Variants in UBXN7 observed in about 807,000 individuals in gnomAD.
UBXN7 encodes UBX domain protein 7, also known as UBX domain-containing protein 7.
UBXN7 carries 9 observed loss-of-function variants against 58.0 expected under a neutral mutation model. That is an observed-to-expected ratio of 0.16 (90% CI 0.09 to 0.27). The LOEUF is 0.27. UBXN7 is among the 10% of genes least tolerant of loss of function. The pLI is 1.00. For synonymous variants in UBXN7, 208 were observed against 205.0 expected, an observed-to-expected ratio of 1.01 and a Z score of -0.12; for missense variants, 328 against 599.6, an observed-to-expected ratio of 0.55 and a Z score of 4.73.
chr3:196,378,087 TTG>T (rs757561940), intron 5 of UBXN7, among the ~76,000 whole-genome samples: 1 of 152,192 alleles, frequency 6.6e-6, no homozygotes, highest in African/African-American at 2.4e-5. Flanking sequence ...ATATATGTGT[TTG>T]TGTGTGTTTG....
At position 196,391,680 on chromosome 3, in the gene UBXN7, G is replaced by A. The variant is rs1038630552; in HGVS notation, c.468+133C>T. ...GCCCAAGAGTTCAAGGCTGCAGTGA[G>A]CTATGATTGTGTCACTGCAGTCCAG... On this transcript the variant is annotated intron_variant, in intron 5 of 10. Transcript: ENST00000296328. 1.7e-5 allele frequency: 10 copies of A among 600,862 alleles called. No homozygotes were observed. In the African/African-American group the frequency reaches 1.9e-4, roughly 11 times the overall value. 37.2% of individuals were successfully genotyped at this position (600,862 alleles called of 1,614,324 possible). A position where few individuals can be genotyped will look rare whatever the true frequency, so the allele number is the denominator to read the frequency against.
At chr3:196,393,928 G>A (rs552434650) in intron 3 of UBXN7, 31 of 182,668 alleles carry the variant, frequency 1.7e-4, no homozygotes, top group African/African-American at 7.1e-4. Flanking sequence ...CTTCCATCCA[G>A]TCATCTTGTA....
chr3:196,401,286 TATATATATATATAC>T lies in UBXN7; in HGVS notation c.289+1652_289+1665del, dbSNP rs1198061144. ...AAAAAAAAAAAAAAATATATATATATATATATATATATACACACACACACACACACACACATATA... is the reference window on the plus strand; with the variant it reads ...AAAAAAAAAAAAAAATATATATATATACACACACACACACACACACATATA... On this transcript the variant is annotated intron_variant, in intron 3 of 10. Transcript: ENST00000296328. Among the ~76,000 whole-genome samples the T allele has an allele frequency of 1.9e-3, 132 of 69,364 alleles. 3 individuals are homozygous for T. Among genetic ancestry groups the T allele is most frequent in the African/African-American group, 8.3e-3 (124 of 14,934 alleles). The allele number at this position is 69,364 out of a possible 152,430, so 45.5% of individuals were successfully genotyped here. A position where few individuals can be genotyped will look rare whatever the true frequency, so the allele number is the denominator to read the frequency against.
chr3:196,424,703 C>CTTTTT (rs36110858), intron 1 of UBXN7, among the ~76,000 whole-genome samples: 1 of 105,260 alleles, frequency 9.5e-6, no homozygotes, highest in South Asian at 3.4e-4. Context: ...TTTTTATAAC[C>CTTTTT]TTTTTTTTTT....
At chr3:196,390,425 G>C (rs1036951197) in intron 5 of UBXN7, among the ~76,000 whole-genome samples, 1 of 151,890 alleles carries the variant, frequency 6.6e-6, no homozygotes, top group African/African-American at 2.4e-5. Flanking sequence ...TTATTCTTTG[G>C]CCTACAGGGT....
At chr3:196,361,482 G>A (rs568698123) in intron 10 of UBXN7, among the ~76,000 whole-genome samples, 5 of 152,202 alleles carry the variant, frequency 3.3e-5, no homozygotes, top group Non-Finnish European at 7.4e-5. Context: ...ACTATCAAAC[G>A]GCAGCACATG....
intron 1 of UBXN7, among the ~76,000 whole-genome samples, chr3:196,420,272 T>C (rs1730638463): frequency 6.6e-6 from 1 of 152,062 alleles, no homozygotes; most frequent in African/African-American, 2.4e-5. Flanking sequence ...GTGTCTCATA[T>C]CTGTAATCCC....
At chr3:196,406,612 G>C (rs1730169885) in intron 2 of UBXN7, among the ~76,000 whole-genome samples, 1 of 151,086 alleles carries the variant, frequency 6.6e-6, no homozygotes, top group Admixed American at 6.6e-5. Flanking sequence ...GCTAATTTTT[G>C]TATTTTTTTT....
chr3:196,356,922 C>T, intron 10 of UBXN7, 76 bp from the exon 11 acceptor site: 1 of 1,498,214 alleles, frequency 6.7e-7, no homozygotes, highest in South Asian at 1.3e-5. Context: ...AAATAGAAAA[C>T]ATTCTCTTTT....
chr3:196,418,083 C>T (rs1055798649), intron 1 of UBXN7, among the ~76,000 whole-genome samples: 1 of 151,166 alleles, frequency 6.6e-6, no homozygotes, highest in Non-Finnish European at 1.5e-5. Context: ...ACTAAAAATA[C>T]AAAATTAGCT....
At chr3:196,389,905 T>C (rs1402941840) in intron 5 of UBXN7, among the ~76,000 whole-genome samples, 4 of 152,126 alleles carry the variant, frequency 2.6e-5, no homozygotes, top group African/African-American at 9.7e-5. Flanking sequence ...TATTCAAATA[T>C]GCAGCTGATA....
chr3:196,365,371 C>G (rs1481809906), intron 8 of UBXN7, among the ~76,000 whole-genome samples: 1 of 151,734 alleles, frequency 6.6e-6, no homozygotes, highest in African/African-American at 2.4e-5. Context: ...AAAAACCCAC[C>G]AAAATCCCAA....
chr3:196,350,179 T>TTTA lies in UBXN7; in HGVS notation c.*6503_*6505dup, dbSNP rs755953732. On this transcript the variant is annotated 3_prime_UTR_variant, in exon 11 of 11. Coordinates refer to ENST00000296328, the MANE Select transcript of UBXN7 (RefSeq NM_015562.2). ...CTCATTACAGGAATGCTAAATTATG[T>TTTA]TTATTAAAGTAGTTCAAATTGGATT... The TTTA allele has an allele frequency of 2.2e-4, 33 of 152,252 alleles. No homozygotes were observed. Among genetic ancestry groups the TTTA allele is most frequent in the Admixed American group, 4.6e-4 (7 of 15,284 alleles). The allele number at this position is 152,252 out of a possible 1,614,324, so 9.4% of individuals were successfully genotyped here.
At chr3:196,423,502 G>C in intron 1 of UBXN7, 1 of 212,666 alleles carries the variant, frequency 4.7e-6, no homozygotes. Flanking sequence ...CCTCCTGCCT[G>C]ACCATTAGGT....
intron 1 of UBXN7, among the ~76,000 whole-genome samples, chr3:196,428,842 T>G (rs988393214): frequency 6.6e-6 from 1 of 150,858 alleles, no homozygotes; most frequent in Admixed American, 6.6e-5. Context: ...AAAAAAAAGT[T>G]TTTATGATAT....
At position 196,420,492 on chromosome 3, in the gene UBXN7, T is replaced by C. The variant is rs139061107; in HGVS notation, c.73+11835A>G. On this transcript the variant is annotated intron_variant, in intron 1 of 10. Coordinates refer to ENST00000296328, the MANE Select transcript of UBXN7 (RefSeq NM_015562.2). Reference sequence around the variant, plus strand: ...GTTGCAGTGAGCCAAGATTGCGCCATTGCACTCCAGCCTGGGTGACAGAGC... The same window carrying C: ...GTTGCAGTGAGCCAAGATTGCGCCACTGCACTCCAGCCTGGGTGACAGAGC... Among the ~76,000 whole-genome samples the C allele has an allele frequency of 8.7e-3, 1,308 of 150,866 alleles. 18 individuals carry two copies. The highest frequency in any genetic ancestry group is 0.029 in the African/African-American group (1,198 of 40,984).
At chr3:196,406,358 A>G (rs907488466) in intron 2 of UBXN7, among the ~76,000 whole-genome samples, 1 of 151,662 alleles carries the variant, frequency 6.6e-6, no homozygotes, top group African/African-American at 2.4e-5. Context: ...TAAGGTTTTC[A>G]TACTGATTTC....
In UBXN7 at chr3:196,430,867, T is replaced by A. The variant is rs190309846; in HGVS notation, c.73+1460A>T. 9.2e-4 allele frequency among the ~76,000 whole-genome samples: 140 copies of A among 152,300 alleles called. 1 individual carries two copies. Among genetic ancestry groups the A allele is most frequent in the Non-Finnish European group, 4.3e-4 (29 of 68,036 alleles). On this transcript the variant is annotated intron_variant, in intron 1 of 10. Transcript: ENST00000296328. ...CAGACATTAGGAAATCCTTTACATA[T>A]TTAATATAATAATCCAATCCTTTAT... is the stretch of plus-strand genomic sequence containing the variant.
chr3:196,430,755 G>C (rs545531560), intron 1 of UBXN7, among the ~76,000 whole-genome samples: 1 of 152,218 alleles, frequency 6.6e-6, no homozygotes, highest in East Asian at 1.9e-4. Context: ...TTCTCTATCA[G>C]ATTCACTGCA....
Sources: allele counts gnomAD v4.1 joint callset (sites outside exome capture counted in the v4.1 genomes callset), GRCh38; gene constraint gnomAD v4.1.1; transcripts MANE v1.5; gene names NCBI Gene and HGNC (gene_info 2026-07-23, HGNC 2026-07-21).